The following ORC3 variants were observed in gnomAD, a reference collection of about 807,000 sequenced individuals.
ORC3 encodes the protein origin recognition complex subunit 3.
In ORC3, 78 loss-of-function variants were observed where a neutral mutation model predicts 100.7. The observed-to-expected ratio is 0.77, with a 90% CI of 0.65 to 0.94. The LOEUF (loss-of-function observed/expected upper bound fraction) is 0.94. Ranked by LOEUF, ORC3 falls within the 40% of genes least tolerant of loss-of-function variation. The probability of loss-of-function intolerance (pLI) is 0.00; values close to 1 mark genes in which losing one functional copy is unlikely to be tolerated. For synonymous variants in ORC3, 295 were observed against 289.3 expected (o/e 1.02, Z -0.20); for missense variants, 789 against 823.9 (o/e 0.96, Z 0.52).
intron 4 of ORC3, among the ~76,000 whole-genome samples, chr6:87,604,064 A>G (rs1778163941): frequency 1.3e-5 from 2 of 152,362 alleles, no homozygotes; most frequent in South Asian, 4.1e-4. Context: ...TTTCTTAAGT[A>G]CTTAAACATC....
intron 6 of ORC3, among the ~76,000 whole-genome samples, chr6:87,608,520 C>G (rs568644113): frequency 1.1e-3 from 162 of 152,264 alleles, no homozygotes; most frequent in Non-Finnish European, 1.8e-3. Flanking sequence ...AGTGAAGTTT[C>G]ATTTTGCTTT....
chr6:87,641,646 G>A (rs1044480891), intron 13 of ORC3, among the ~76,000 whole-genome samples: 6 of 152,156 alleles, frequency 3.9e-5, no homozygotes, highest in African/African-American at 1.4e-4. Context: ...ATAGCTGGAG[G>A]AATTTACCTT....
intron 2 of ORC3, among the ~76,000 whole-genome samples, chr6:87,596,413 G>A (rs985961261): frequency 6.6e-6 from 1 of 151,290 alleles, no homozygotes; most frequent in African/African-American, 2.4e-5. Context: ...GATTACAGGT[G>A]TGAGTCACTG....
chr6:87,668,512 G>A (rs116315165), downstream of ORC3, among the ~76,000 whole-genome samples: 893 of 152,274 alleles, frequency 5.9e-3, 7 homozygotes, highest in African/African-American at 0.02. Context: ...TAAGATTTAG[G>A]ATTTGGGATA....
intron 2 of ORC3, among the ~76,000 whole-genome samples, chr6:87,596,310 T>G (rs1313527315): frequency 6.6e-6 from 1 of 151,954 alleles, no homozygotes; most frequent in Non-Finnish European, 1.5e-5. Context: ...ATTTTTGTAT[T>G]TTTTAGTAGA....
chr6:87,614,763 A>C (rs1779038496), intron 8 of ORC3, among the ~76,000 whole-genome samples: 1 of 152,198 alleles, frequency 6.6e-6, no homozygotes, highest in African/African-American at 2.4e-5. Flanking sequence ...GTTTCCAACA[A>C]GTTTGTCATC....
At chr6:87,600,504 T>C (rs867285505) in intron 2 of ORC3, among the ~76,000 whole-genome samples, 9 of 152,176 alleles carry the variant, frequency 5.9e-5, no homozygotes, top group Non-Finnish European at 1.0e-4. Context: ...CTTAAATTTT[T>C]TTGAAAGAGA....
the ORC3 span, among the ~76,000 whole-genome samples, chr6:87,674,741 T>C: frequency 6.6e-6 from 1 of 150,850 alleles, no homozygotes; most frequent in African/African-American, 2.4e-5. Flanking sequence ...CCCAAAGTGC[T>C]GGGATTACAG....
chr6:87,675,987 T>A, the ORC3 span: 4 of 1,468,544 alleles, frequency 2.7e-6, no homozygotes, highest in African/African-American at 2.8e-5. Flanking sequence ...TAGAGCCAGA[T>A]AAACTGAAAA....
chr6:87,598,046 TCAAGACAAGATCTCA>T (rs1777597816), intron 2 of ORC3, among the ~76,000 whole-genome samples: 1 of 152,178 alleles, frequency 6.6e-6, no homozygotes, highest in Admixed American at 6.5e-5. Context: ...GTTTTGTTTT[TCAAGACAAGATCTCA>T]CTCTGTCACC....
chr6:87,628,302 G>A lies in ORC3; in HGVS notation c.1185+6289G>A, dbSNP rs540733209. On this transcript the variant is annotated intron_variant, in intron 11 of 19. Coordinates refer to ENST00000392844, the MANE Select transcript of ORC3 (RefSeq NM_012381.4). ...ATTTACCTAAGTAAGAAACCTGCAC[G>A]TCCTGCACATGTATCCCAGAACTTA... Among the ~76,000 whole-genome samples, 496 of 152,226 alleles carry A rather than the reference G, an allele frequency of 3.3e-3. 8 individuals are homozygous for A. Among genetic ancestry groups the A allele is most frequent in the East Asian group, 2.5e-3 (13 of 5,184 alleles).
In ORC3 at chr6:87,645,134, G is replaced by A. The variant is rs77202387; in HGVS notation, c.1383-7982G>A. ...TAAAAAAAAAAGGGGTTTTTTAAAT[G>A]CTTCATTTTTGAAACCACTGATCAG... is the stretch of plus-strand genomic sequence containing the variant. On this transcript the variant is annotated intron_variant, in intron 13 of 19. Coordinates refer to ENST00000392844, the MANE Select transcript of ORC3 (RefSeq NM_012381.4). 8.1e-3 allele frequency among the ~76,000 whole-genome samples: 1,224 copies of A among 152,028 alleles called. 26 individuals are homozygous for A. Among genetic ancestry groups the A allele is most frequent in the African/African-American group, 0.029 (1,182 of 41,454 alleles).
At position 87,605,790 on chromosome 6, in the gene ORC3, T is replaced by A; in HGVS notation, c.323-127T>A. On this transcript the variant is annotated intron_variant, in intron 4 of 19. Coordinates refer to ENST00000392844, the MANE Select transcript of ORC3 (RefSeq NM_012381.4). ...ATGGATATCATTTATATAGTATATT[T>A]CCTTGGTTTCTGTTATTAATCATTT... The A allele has an allele frequency of 5.1e-6, 3 of 587,188 alleles. No homozygotes were observed. In the South Asian group the frequency reaches 6.9e-5, roughly 13 times the overall value. 36.4% of individuals were successfully genotyped at this position (587,188 alleles called of 1,614,324 possible).
At chr6:87,603,319 C>T in intron 3 of ORC3, 65 bp from the exon 4 acceptor site, 2 of 879,618 alleles carry the variant, frequency 2.3e-6, no homozygotes, top group Non-Finnish European at 1.6e-6. Context: ...ATTTTCTTTC[C>T]ACAACCAGGA....
In ORC3 at chr6:87,598,375, C is replaced by T. The variant is rs183429783; in HGVS notation, c.80-3409C>T. ...CAGCAAACTACAAGGAATGTATTAT[C>T]GCCATTGAAATATATAAGGATACTT... is the stretch of plus-strand genomic sequence containing the variant. On this transcript the variant is annotated intron_variant, in intron 2 of 19. Coordinates refer to ENST00000392844, the MANE Select transcript of ORC3 (RefSeq NM_012381.4). 2.0e-5 allele frequency among the ~76,000 whole-genome samples: 3 copies of T among 152,220 alleles called. No individual in the cohort carries two copies. The East Asian group carries it at 5.8e-4, about 29-fold the overall frequency.
intron 14 of ORC3, among the ~76,000 whole-genome samples, chr6:87,654,669 T>G (rs925481461): frequency 2.0e-5 from 3 of 152,204 alleles, no homozygotes; most frequent in African/African-American, 7.2e-5. Context: ...GGGCCAACCT[T>G]AAGTACATAA....
intron 9 of ORC3, among the ~76,000 whole-genome samples, chr6:87,616,805 CTT>C (rs112902935): frequency 1.4e-5 from 2 of 144,666 alleles, no homozygotes; most frequent in Admixed American, 6.9e-5. Context: ...ACATTTTTAG[CTT>C]TTTTTTTTTT....
chr6:87,661,622 G>A (rs1204994118), intron 16 of ORC3, among the ~76,000 whole-genome samples: 2 of 152,142 alleles, frequency 1.3e-5, no homozygotes, highest in African/African-American at 4.8e-5. Context: ...AGGATACTTG[G>A]AAGAAGGGGA....
At chr6:87,638,210 T>C (rs1767968933) in intron 13 of ORC3, among the ~76,000 whole-genome samples, 2 of 152,154 alleles carry the variant, frequency 1.3e-5, no homozygotes, top group Admixed American at 1.3e-4. Context: ...GGGTCAAATA[T>C]AATACCTACA....
Sources: allele counts gnomAD v4.1 joint callset (sites outside exome capture counted in the v4.1 genomes callset), GRCh38; gene constraint gnomAD v4.1.1; transcripts MANE v1.5; gene names NCBI Gene and HGNC (gene_info 2026-07-23, HGNC 2026-07-21).